VPS8: variants seen among roughly 807,000 people sequenced by gnomAD.
VPS8 encodes the protein vacuolar protein sorting-associated protein 8 homolog.
VPS8 carries 129 observed loss-of-function variants against 216.4 expected under a neutral mutation model. The observed-to-expected ratio is 0.60, with a 90% CI of 0.52 to 0.69. The LOEUF is 0.69. VPS8 is among the 30% of genes least tolerant of loss of function. The probability of loss-of-function intolerance (pLI) is 0.00; values close to 1 mark genes in which losing one functional copy is unlikely to be tolerated. For synonymous variants in VPS8, 571 were observed against 565.4 expected, an observed-to-expected ratio of 1.01 and a Z score of -0.14; for missense variants, 1,531 against 1,683.5, an observed-to-expected ratio of 0.91 and a Z score of 1.59.
chr3:184,826,203 C>T lies in VPS8; in HGVS notation c.194C>T (p.Pro65Leu), dbSNP rs1266324512. 1 of 1,611,200 alleles carries T rather than the reference C, an allele frequency of 6.2e-7. No homozygotes were observed. Among genetic ancestry groups the T allele is most frequent in the Non-Finnish European group, 8.5e-7 (1 of 1,178,640 alleles). Residue 65 changes from proline to leucine, a missense_variant, in exon 3 of 48, where the codon CCT (proline) becomes CTT (leucine). Physicochemically the swap from Pro to Leu is moderately conservative, Grantham distance 98. Transcript: ENST00000625842. ...TTTGATATTCCTCAAGTTGATACTC[C>T]TCCAACACTGGAAAGCATACTAAAT... ...KEFDIPQVDT[P>L]PTLESILNET...
At chr3:184,845,524 C>G (rs577509570) in intron 8 of VPS8, among the ~76,000 whole-genome samples, 2 of 152,134 alleles carry the variant, frequency 1.3e-5, no homozygotes, top group African/African-American at 4.8e-5. Context: ...CTTTGGGAGG[C>G]TGAGGCAGGT....
At chr3:184,894,676 GT>G (rs1560563511) in intron 22 of VPS8, 26 bp from the exon 23 acceptor site, 3 of 1,543,508 alleles carry the variant, frequency 1.9e-6, no homozygotes, top group Non-Finnish European at 2.6e-6. Context: ...GTTCCTAAAA[GT>G]TTTTCTCCCC....
chr3:184,963,322 G>C (rs1169029735), intron 37 of VPS8, among the ~76,000 whole-genome samples: 1 of 152,086 alleles, frequency 6.6e-6, no homozygotes, highest in Non-Finnish European at 1.5e-5. Context: ...TCAGGAAAAT[G>C]TATGCCTTTT....
chr3:184,818,412 A>G (rs1026288152), intron 1 of VPS8, among the ~76,000 whole-genome samples: 1 of 151,732 alleles, frequency 6.6e-6, no homozygotes, highest in East Asian at 1.9e-4. Flanking sequence ...AGACCCAGCT[A>G]CTTGGGAGGC....
intron 45 of VPS8, among the ~76,000 whole-genome samples, chr3:185,023,511 T>G (rs1301821970): frequency 6.6e-6 from 1 of 151,960 alleles, no homozygotes; most frequent in Non-Finnish European, 1.5e-5. Context: ...TACAAAAAAT[T>G]AGCCAGGCAT....
intron 46 of VPS8, among the ~76,000 whole-genome samples, chr3:185,030,522 A>G (rs1757967956): frequency 6.6e-6 from 1 of 152,188 alleles, no homozygotes; most frequent in African/African-American, 2.4e-5. Flanking sequence ...GGGACAATGC[A>G]CAGGGAATGA....
intron 28 of VPS8, among the ~76,000 whole-genome samples, chr3:184,918,243 A>G (rs771488951): frequency 6.6e-6 from 1 of 152,200 alleles, no homozygotes; most frequent in African/African-American, 2.4e-5. Flanking sequence ...TTTACAGAGA[A>G]TGTTGACCCG....
At position 185,032,025 on chromosome 3, in the gene VPS8, G is replaced by C. The variant is rs182128714; in HGVS notation, c.4056+7636G>C. On this transcript the variant is annotated intron_variant, in intron 46 of 47. Coordinates refer to ENST00000625842, the MANE Select transcript of VPS8 (RefSeq NM_001009921.3). ...CTAAAAATACAAAAATTAGCCAGGC[G>C]TGATGGTGGGCACCTGTAATCCAGT... Among the ~76,000 whole-genome samples the C allele has an allele frequency of 4.6e-5, 7 of 152,178 alleles. No homozygotes were observed. The East Asian group carries it at 1.4e-3, about 29-fold the overall frequency.
chr3:184,851,597 G>A (rs781735452), intron 10 of VPS8, among the ~76,000 whole-genome samples: 1 of 152,068 alleles, frequency 6.6e-6, no homozygotes, highest in African/African-American at 2.4e-5. Context: ...GCACTCCAGC[G>A]GACCATGTCA....
At chr3:184,881,407 T>G (rs928306457) in intron 21 of VPS8, among the ~76,000 whole-genome samples, 8 of 152,176 alleles carry the variant, frequency 5.3e-5, no homozygotes, top group African/African-American at 1.9e-4. Context: ...GGCAATACTT[T>G]CCTTCTTTCC....
At chr3:184,984,194 A>AAAAAACAAAAAAAAAAAACTCACCAAG in intron 42 of VPS8, among the ~76,000 whole-genome samples, 1 of 46,528 alleles carries the variant, frequency 2.1e-5, no homozygotes, top group African/African-American at 6.7e-5. Flanking sequence ...AAAAAAAAAA[A>AAAAAACAAAAAAAAAAAACTCACCAAG]CTCTACTTCC....
chr3:184,987,826 A>G (rs571559161), intron 42 of VPS8, among the ~76,000 whole-genome samples: 19 of 152,334 alleles, frequency 1.2e-4, no homozygotes, highest in African/African-American at 4.6e-4. Flanking sequence ...CAAAATGTCT[A>G]TACCATTTTA....
At chr3:185,017,390 C>T (rs1755956730) in intron 45 of VPS8, among the ~76,000 whole-genome samples, 1 of 152,250 alleles carries the variant, frequency 6.6e-6, no homozygotes, top group South Asian at 2.1e-4. Context: ...TATCAGTAAT[C>T]TGATTTACCC....
intron 44 of VPS8, among the ~76,000 whole-genome samples, chr3:184,998,883 CTT>C (rs900935241): frequency 6.7e-6 from 1 of 148,390 alleles, no homozygotes; most frequent in East Asian, 2.0e-4. Flanking sequence ...TTTCCAGTTG[CTT>C]TTTTTTTTCT....
intron 46 of VPS8, among the ~76,000 whole-genome samples, chr3:185,034,011 T>C (rs1441273968): frequency 6.6e-6 from 1 of 152,190 alleles, no homozygotes; most frequent in Non-Finnish European, 1.5e-5. Context: ...AGGTTTAGTG[T>C]GTGAATCCTG....
At chr3:185,024,447 T>C in intron 46 of VPS8, 58 bp downstream of exon 46, 1 of 1,484,388 alleles carries the variant, frequency 6.7e-7, no homozygotes, top group Non-Finnish European at 9.2e-7. Context: ...TATTCTCCTA[T>C]GTGGAACAAT....
At position 184,994,260 on chromosome 3, in the gene VPS8, G is replaced by T. The variant is rs1375521983; in HGVS notation, c.3666+197G>T. Among the ~76,000 whole-genome samples, 6 of 152,052 alleles carry T rather than the reference G, an allele frequency of 3.9e-5. 1 individual carries two copies. Among genetic ancestry groups the T allele is most frequent in the Admixed American group, 3.9e-4 (6 of 15,260 alleles). ...CTCATACCTGTAACGCCAGCACTTTGGAAGACTGAGACAGGAGGATTGCCA... is the reference window on the plus strand; with the variant it reads ...CTCATACCTGTAACGCCAGCACTTTTGAAGACTGAGACAGGAGGATTGCCA... On this transcript the variant is annotated intron_variant, in intron 43 of 47. Coordinates refer to ENST00000625842, the MANE Select transcript of VPS8 (RefSeq NM_001009921.3).
intron 36 of VPS8, among the ~76,000 whole-genome samples, chr3:184,940,918 T>C (rs1742563977): frequency 6.6e-6 from 1 of 152,216 alleles, no homozygotes; most frequent in South Asian, 2.1e-4. Context: ...TACTCTTGAC[T>C]AGTAGTGTGC....
intron 2 of VPS8, among the ~76,000 whole-genome samples, chr3:184,825,228 A>G (rs1718494155): frequency 1.3e-5 from 2 of 152,164 alleles, no homozygotes; most frequent in South Asian, 2.1e-4. Flanking sequence ...TTATGAAACA[A>G]TTTGATTCAT....
Sources: allele counts gnomAD v4.1 joint callset (sites outside exome capture counted in the v4.1 genomes callset), GRCh38; gene constraint gnomAD v4.1.1; transcripts MANE v1.5; gene names NCBI Gene and HGNC (gene_info 2026-07-23, HGNC 2026-07-21).